The following TTLL9 variants were observed in gnomAD, a reference collection of about 807,000 sequenced individuals.
TTLL9 encodes the protein tubulin tyrosine ligase like 9.
Under a neutral mutation model 65.6 loss-of-function variants are expected in TTLL9, and 47 were observed. The ratio of observed to expected loss-of-function variants is 0.72; its 90% CI spans 0.57 to 0.91. TTLL9 has a LOEUF of 0.91. Ranked by LOEUF, TTLL9 falls within the 40% of genes least tolerant of loss-of-function variation. The probability of loss-of-function intolerance (pLI) is 0.00; values close to 1 mark genes in which losing one functional copy is unlikely to be tolerated. For synonymous variants in TTLL9, 179 were observed against 204.8 expected, an observed-to-expected ratio of 0.87 and a Z score of 1.07; for missense variants, 537 against 568.8, an observed-to-expected ratio of 0.94 and a Z score of 0.57.
At chr20:31,933,759 C>G (rs2123621241) in intron 10 of TTLL9, 41 bp from the exon 11 acceptor site, 2 of 1,605,200 alleles carry the variant, frequency 1.2e-6, no homozygotes, top group East Asian at 2.2e-5. Context: ...AGAGCTCACC[C>G]TTTTTGTTCA....
chr20:31,873,684 GAGAAAGAAAGAAAGAAAGAA>G (rs143514524), intron 2 of TTLL9, among the ~76,000 whole-genome samples: 2,330 of 100,536 alleles, frequency 0.023, 65 homozygotes, highest in Admixed American at 0.087. Context: ...AAGAGAGAGA[GAGAAAGAAAGAAAGAAAGAA>G]AGAAAGAAAG....
At chr20:31,936,834 G>A (rs1366961513) in intron 12 of TTLL9, among the ~76,000 whole-genome samples, 1 of 152,192 alleles carries the variant, frequency 6.6e-6, no homozygotes, top group African/African-American at 2.4e-5. Context: ...GGTGGCTCAT[G>A]CCTGTAATCC....
chr20:31,882,825 C>T (rs1488774144), intron 2 of TTLL9, among the ~76,000 whole-genome samples: 1 of 152,094 alleles, frequency 6.6e-6, no homozygotes, highest in African/African-American at 2.4e-5. Context: ...TAACAAACAT[C>T]CTTTGAACTG....
chr20:31,873,699 A>AG (rs1491540403), intron 2 of TTLL9, among the ~76,000 whole-genome samples: 1 of 128,860 alleles, frequency 7.8e-6, no homozygotes, highest in Admixed American at 8.6e-5. Context: ...AGAAAGAAAG[A>AG]AAGAAAGAAA....
intron 2 of TTLL9, among the ~76,000 whole-genome samples, chr20:31,885,724 C>A (rs948290742): frequency 3.3e-5 from 5 of 152,152 alleles, no homozygotes; most frequent in Non-Finnish European, 7.4e-5. Flanking sequence ...CCCCAAGATT[C>A]CCACCCCCTA....
At chr20:31,905,117 C>G (rs1438202031) in intron 4 of TTLL9, among the ~76,000 whole-genome samples, 4 of 152,190 alleles carry the variant, frequency 2.6e-5, no homozygotes, top group Non-Finnish European at 5.9e-5. Flanking sequence ...GTTGCCCAGG[C>G]TGGAGTGCAG....
intron 12 of TTLL9, among the ~76,000 whole-genome samples, chr20:31,936,671 C>T (rs2064114064): frequency 6.6e-6 from 1 of 152,174 alleles, no homozygotes; most frequent in Admixed American, 6.5e-5. Context: ...GGTTGGGTGC[C>T]ACCTACAGTG....
rs1278947782 is a variant in TTLL9, at chr20:31,909,765, A to G, written c.347A>G (p.Asn116Ser). ...ELTRKNYMVK[N>S]LKRFRKQLER... ...ACCCGGAAGAACTACATGGTGAAGA[A>G]CCTGAAGCGGTTCCGGAAGCAGCTG... Residue 116 changes from asparagine to serine, a missense_variant, in exon 6 of 15, where the codon AAC becomes AGC. By Grantham distance (46) the Asn-to-Ser change is conservative (BLOSUM62 1). Coordinates refer to ENST00000535842, the MANE Select transcript of TTLL9 (RefSeq NM_001008409.5). 4.3e-6 allele frequency: 7 copies of G among 1,614,088 alleles called. No homozygotes were observed. The East Asian group carries it at 1.6e-4, about 36-fold the overall frequency.
At chr20:31,930,263 TA>T (rs1053815191) in intron 10 of TTLL9, among the ~76,000 whole-genome samples, 5 of 152,178 alleles carry the variant, frequency 3.3e-5, no homozygotes, top group African/African-American at 9.7e-5. Context: ...GTGAAGCAGA[TA>T]GGGGCATTCA....
chr20:31,885,714 C>T (rs950402119), intron 2 of TTLL9, among the ~76,000 whole-genome samples: 2 of 152,146 alleles, frequency 1.3e-5, no homozygotes, highest in African/African-American at 4.8e-5. Context: ...CTCAGATGGG[C>T]CCCAAGATTC....
chr20:31,927,495 A>G (rs1250647281), intron 10 of TTLL9, among the ~76,000 whole-genome samples: 2 of 151,462 alleles, frequency 1.3e-5, no homozygotes, highest in African/African-American at 4.8e-5. Context: ...AAAAAAAAAA[A>G]AAAAAAAAAG....
chr20:31,925,114 G>T (rs897539030), intron 9 of TTLL9, 65 bp downstream of exon 9: 54 of 1,550,158 alleles, frequency 3.5e-5, no homozygotes, highest in Non-Finnish European at 4.6e-5. Context: ...TAGGGAGATG[G>T]GGGGAAGAGG....
intron 6 of TTLL9, among the ~76,000 whole-genome samples, chr20:31,913,484 C>A (rs1187899289): frequency 6.6e-6 from 1 of 152,214 alleles, no homozygotes; most frequent in Non-Finnish European, 1.5e-5. Context: ...GTCTTTGTGA[C>A]ATGGTTGATC....
chr20:31,876,629 A>G (rs1201454058), intron 2 of TTLL9, among the ~76,000 whole-genome samples: 1 of 152,196 alleles, frequency 6.6e-6, no homozygotes, highest in African/African-American at 2.4e-5. Context: ...CACATTAACT[A>G]CAAGATGAAA....
At chr20:31,879,822 G>A in intron 2 of TTLL9, 3 of 1,548,974 alleles carry the variant, frequency 1.9e-6, no homozygotes, top group Non-Finnish European at 2.6e-6. Context: ...TTGGCAACGG[G>A]ACGCATAAGC....
At chr20:31,902,689 G>C (rs1027746426) in intron 4 of TTLL9, among the ~76,000 whole-genome samples, 17 of 152,044 alleles carry the variant, frequency 1.1e-4, no homozygotes, top group Non-Finnish European at 2.2e-4. Context: ...TTCACTTTTT[G>C]TTGGTGTATA....
rs2064130379 is a variant in TTLL9, at chr20:31,937,390, T to C, written c.1005-6T>C. On this transcript the variant is annotated splice_polypyrimidine_tract_variant and splice_region_variant and intron_variant, in intron 12 of 14. Coordinates refer to ENST00000535842, the MANE Select transcript of TTLL9 (RefSeq NM_001008409.5). ...CCTAAGACTCTCTACTCCCCTCCCT[T>C]CCCAGGTGGCTCCTGGAGGTCAATG... The C allele has an allele frequency of 6.2e-7, 1 of 1,611,262 alleles. No homozygotes were observed. Among genetic ancestry groups the C allele is most frequent in the East Asian group, 2.2e-5 (1 of 44,816 alleles).
chr20:31,918,851 G>A (rs961729859), intron 6 of TTLL9, among the ~76,000 whole-genome samples: 2 of 152,160 alleles, frequency 1.3e-5, no homozygotes, highest in Admixed American at 1.3e-4. Context: ...TAGAGTTTTT[G>A]GCACCCAGTC....
intron 3 of TTLL9, 152 bp from the exon 4 acceptor site, chr20:31,898,321 A>G: frequency 1.6e-6 from 1 of 615,750 alleles, no homozygotes; most frequent in Non-Finnish European, 2.9e-6. Context: ...TGATTATGTT[A>G]AGTGTTATCA....
Sources: gnomAD v4.1 joint callset for allele counts (sites outside exome capture counted in the v4.1 genomes callset) on GRCh38, gnomAD v4.1.1 for gene constraint, MANE v1.5 for transcripts, NCBI Gene and HGNC (gene_info 2026-07-23, HGNC 2026-07-21) for gene names.